The following SCNN1A variants were observed in gnomAD, a reference collection of about 807,000 sequenced individuals.
The protein encoded by SCNN1A is sodium channel epithelial 1 subunit alpha.
A neutral mutation model predicts 68.6 loss-of-function variants in SCNN1A; 65 were observed. The observed-to-expected ratio is 0.95, with a 90% CI of 0.78 to 1.16. The LOEUF is 1.16. SCNN1A is among the 50% of genes most tolerant of loss of function. The pLI, the probability that SCNN1A is intolerant of heterozygous loss-of-function variation, is 0.00. For missense variants in SCNN1A, 880 were observed against 865.9 expected, an observed-to-expected ratio of 1.02 and a Z score of -0.20; for synonymous variants, 357 against 353.3, an observed-to-expected ratio of 1.01 and a Z score of -0.12.
chr12:6,373,300 C>CA (rs1299871847), intron 2 of SCNN1A, among the ~76,000 whole-genome samples: 2 of 152,188 alleles, frequency 1.3e-5, no homozygotes, highest in Non-Finnish European at 2.9e-5. Context: ...CTCACACCCA[C>CA]ACCCATAAAG....
chr12:6,377,026 G>A (rs1188548566), upstream of SCNN1A: 2 of 483,758 alleles, frequency 4.1e-6, no homozygotes, highest in African/African-American at 2.0e-5. Flanking sequence ...GGCTAGGGGA[G>A]CCTAGGGGCT....
At chr12:6,348,317 C>T in intron 12 of SCNN1A, 64 bp from the exon 13 acceptor site, 3 of 1,610,680 alleles carry the variant, frequency 1.9e-6, no homozygotes, top group East Asian at 2.2e-5. Flanking sequence ...GGCAGAGGAG[C>T]CCCCTTCCCT....
intron 2 of SCNN1A, among the ~76,000 whole-genome samples, chr12:6,368,412 A>C (rs1948717901): frequency 6.6e-6 from 1 of 152,182 alleles, no homozygotes; most frequent in Non-Finnish European, 1.5e-5. Flanking sequence ...AAACTCTGTG[A>C]TTGCTATAAA....
rs187326668 is a variant in SCNN1A at position 6,369,691 on chromosome 12, G to A, written c.416+4677C>T. Among the ~76,000 whole-genome samples, 83 of 152,126 alleles carry A rather than the reference G, an allele frequency of 5.5e-4. 2 individuals are homozygous for A. Among genetic ancestry groups the A allele is most frequent in the Non-Finnish European group, 9.0e-4 (61 of 67,984 alleles). ...ACTAAAAAAGTATGATAAATTAGCCGGGCATGGTGGTGGGCGCCTGTAGTC... is the reference window on the plus strand; with the variant it reads ...ACTAAAAAAGTATGATAAATTAGCCAGGCATGGTGGTGGGCGCCTGTAGTC... On this transcript the variant is annotated intron_variant, in intron 2 of 12. Transcript: ENST00000228916.
rs1420276875 is a variant in SCNN1A, at chr12:6,347,497, C to G, written c.*376G>C. 3.9e-6 allele frequency: 1 copy of G among 259,076 alleles called. No homozygotes were observed. Among genetic ancestry groups the G allele is most frequent in the Non-Finnish European group, 7.6e-6 (1 of 131,338 alleles). The allele number at this position is 259,076 out of a possible 1,614,324, so 16.0% of individuals were successfully genotyped here. The stretch of plus-strand genomic sequence containing the variant: ...TCGCTGGGCAGGAAACCCGTGCATG[C>G]CTGCGTGTACCCTTGGTTGTGTTTT... On this transcript the variant is annotated 3_prime_UTR_variant, in exon 13 of 13. Transcript: ENST00000228916.
Position 6,374,347 on chromosome 12 carries a change from G to A in SCNN1A, c.416+21C>T, listed in dbSNP as rs1385870557. Reference sequence around the variant, plus strand: ...CCTTCCAGGCGCAGGCACCAGGGAAGGGGCAGAGGGACTAACCGACCTGTA... The same window carrying A: ...CCTTCCAGGCGCAGGCACCAGGGAAAGGGCAGAGGGACTAACCGACCTGTA... On this transcript the variant is annotated intron_variant, in intron 2 of 12. Transcript: ENST00000228916. This position sits in a 1 kb window ranked among gnomAD's most constrained non-coding sequence, Gnocchi z 6.2. 4 of 1,612,564 alleles carry A rather than the reference G, an allele frequency of 2.5e-6. No individual in the cohort carries two copies. Among genetic ancestry groups the A allele is most frequent in the Non-Finnish European group, 3.4e-6 (4 of 1,178,720 alleles).
chr12:6,377,041 G>A, upstream of SCNN1A: 1 of 526,448 alleles, frequency 1.9e-6, no homozygotes, highest in Non-Finnish European at 3.4e-6. Flanking sequence ...GGGGCTCACT[G>A]CAGGAGACTC....
Position 6,347,977 on chromosome 12 carries a change from C to A in SCNN1A, c.1906G>T (p.Ala636Ser). The change falls in exon 13 of 13, where the codon GCC (alanine) becomes TCC (serine). Residue 636 changes from alanine (A) to serine (S), a missense_variant. By Grantham distance (99) the Ala-to-Ser change is moderately conservative. This residue lies in a region of SCNN1A where 758 missense variants were observed against 721.8 expected (regional missense o/e 1.05). Coordinates refer to ENST00000228916, the MANE Select transcript of SCNN1A (RefSeq NM_001038.6). ...TAGGCAGGGGGAGGGGCTGTCAAGG[C>A]TGGAGAGGGAGCAGGGCCTGGCTGG... ...LSQPGPAPSP[A>S]LTAPPPAYAT... is the part of the protein sequence containing the mutation. 1 of 1,569,156 alleles carries A rather than the reference C, an allele frequency of 6.4e-7. No individual in the cohort carries two copies. The highest frequency in any genetic ancestry group is 8.7e-7 in the Non-Finnish European group (1 of 1,153,960).
rs1462177485 is a variant in SCNN1A at position 6,372,097 on chromosome 12, GC to G, written c.416+2270del. 6.6e-6 allele frequency among the ~76,000 whole-genome samples: 1 copy of G among 152,166 alleles called. No homozygotes were observed. The highest frequency in any genetic ancestry group is 1.5e-5 in the Non-Finnish European group (1 of 68,030). On this transcript the variant is annotated intron_variant, in intron 2 of 12. Transcript: ENST00000228916. The surrounding 1 kb of genome is among the most constrained non-coding windows in gnomAD (Gnocchi z 5.8). ...CCCAGATCCCTCAATGCCTGCCTTG[GC>G]CTCCCAAAGTGCTGGGATTACAGGC...
chr12:6,377,115 CA>C, upstream of SCNN1A: 3 of 641,598 alleles, frequency 4.7e-6, no homozygotes, highest in Middle Eastern at 3.4e-4. Context: ...GTTTAGCAGG[CA>C]AAGAAGAGAA....
Position 6,349,014 on chromosome 12 carries a change from G to C in SCNN1A, c.1498-9C>G, listed in dbSNP as rs1036959290. On this transcript the variant is annotated splice_polypyrimidine_tract_variant and intron_variant, in intron 10 of 12. Transcript: ENST00000228916. ...ATCTGGAAGACCCATTCCTAGGAAA[G>C]AATGGGGGTGTCATCAAGGTCACTC... 5 of 1,614,072 alleles carry C rather than the reference G, an allele frequency of 3.1e-6. No homozygotes were observed. The highest frequency in any genetic ancestry group is 4.2e-6 in the Non-Finnish European group (5 of 1,179,948).
At chr12:6,355,749 G>A (rs780177951) in intron 5 of SCNN1A, 28 bp downstream of exon 5, 7 of 1,468,872 alleles carry the variant, frequency 4.8e-6, no homozygotes, top group African/African-American at 1.4e-5. Context: ...AGCAGAGGGC[G>A]CCATGGAGCA....
intron 5 of SCNN1A, 30 bp from the exon 6 acceptor site, chr12:6,355,465 G>A (rs1948479944): frequency 6.2e-7 from 1 of 1,611,830 alleles, no homozygotes. Flanking sequence ...AGAGTTGGCA[G>A]AGGCGGGAAT....
rs376913356 is a variant in SCNN1A, at chr12:6,374,532, C to T, written c.252G>A (p.Thr84=). 8.1e-6 allele frequency: 13 copies of T among 1,614,030 alleles called. No individual in the cohort carries two copies. In the East Asian group the frequency reaches 8.9e-5, roughly 11 times the overall value. ...AGAGCCACAGCACTGCCCAGAAGGC[C>T]GTCTTCATGCGGTTGTGCTGGGAGC... ...LVCSQHNRMK[T]AFWAVLWLCT... is the part of the protein sequence containing the mutation. The change falls in exon 2 of 13, where the codon ACG becomes ACA. Residue 84 remains threonine (T), a synonymous_variant. Transcript: ENST00000228916. This position sits in a 1 kb window ranked among gnomAD's most constrained non-coding sequence, Gnocchi z 6.2.
chr12:6,366,541 C>T (rs1335752909), intron 2 of SCNN1A, among the ~76,000 whole-genome samples: 1 of 152,178 alleles, frequency 6.6e-6, no homozygotes, highest in Non-Finnish European at 1.5e-5. Flanking sequence ...TGGCTCACAC[C>T]TGTAATCCCG....
Position 6,349,698 on chromosome 12 carries a change from G to A in SCNN1A, c.1361-293C>T, listed in dbSNP as rs1381159035. On this transcript the variant is annotated intron_variant, in intron 8 of 12. Transcript: ENST00000228916. ...TACTCCAACTCTGGCAACAGAGTGA[G>A]ACCTTGTCTCTAAAAAAAAAAATTT... The A allele has an allele frequency of 2.2e-5, 7 of 313,610 alleles. No individual in the cohort carries two copies. In the East Asian group the frequency reaches 4.8e-4, roughly 22 times the overall value. The allele number at this position is 313,610 out of a possible 1,614,324, so 19.4% of individuals were successfully genotyped here.
At chr12:6,360,014 G>A (rs763325789) in intron 4 of SCNN1A, among the ~76,000 whole-genome samples, 25 of 152,114 alleles carry the variant, frequency 1.6e-4, no homozygotes, top group African/African-American at 3.9e-4. Context: ...CAGGTGATCC[G>A]CCCATCTCGG....
chr12:6,363,464 G>C lies in SCNN1A; in HGVS notation c.663C>G (p.Asp221Glu), dbSNP rs748173628. Residue 221 changes from aspartate to glutamate, a missense_variant, in exon 3 of 13, where the codon GAC becomes GAG. Around this residue, in one of 3 missense-constraint regions of SCNN1A, gnomAD observed 758 missense variants for 721.8 expected, o/e 1.05. Transcript: ENST00000228916. ...TCACCAGCTGGAAGCCGATCTTCCA[G>C]TCCTTCCAGTCCACCTGGGGGTTGT... ...RDNNPQVDWKDWKIGFQLCNQ... is the reference protein window; with the variant it reads ...RDNNPQVDWKEWKIGFQLCNQ... 7 of 1,599,442 alleles carry C rather than the reference G, an allele frequency of 4.4e-6. No individual in the cohort carries two copies.
At chr12:6,371,398 CCCTGGGAGGTCTTTG>C (rs1565486600) in intron 2 of SCNN1A, among the ~76,000 whole-genome samples, 1 of 152,018 alleles carries the variant, frequency 6.6e-6, no homozygotes, top group African/African-American at 2.4e-5. Flanking sequence ...CTGCCCCCGA[CCCTGGGAGGTCTTTG>C]CCTGATCCCT....
Sources: gnomAD v4.1 joint callset for allele counts (sites outside exome capture counted in the v4.1 genomes callset) on GRCh38, gnomAD v4.1.1 for gene constraint, gnomAD v4.1.1 regional missense constraint, Gnocchi (gnomAD v3.1) non-coding constraint, MANE v1.5 for transcripts, NCBI Gene and HGNC (gene_info 2026-07-23, HGNC 2026-07-21) for gene names.